FOXO1: variants seen among roughly 807,000 people sequenced by gnomAD.
FOXO1 encodes forkhead box protein O1.
A neutral mutation model predicts 44.1 loss-of-function variants in FOXO1; 6 were observed. That is an observed-to-expected ratio of 0.14 (90% CI 0.07 to 0.27). FOXO1 has a LOEUF of 0.27. Among genes scored for constraint, FOXO1 ranks in the 10% least tolerant of loss-of-function variants. The pLI, the probability that FOXO1 is intolerant of heterozygous loss-of-function variation, is 1.00. For missense variants in FOXO1, 737 were observed against 888.8 expected (o/e 0.83, Z 2.17); for synonymous variants, 380 against 362.7 (o/e 1.05, Z -0.54).
At chr13:40,613,820 T>C (rs1408872897) in intron 1 of FOXO1, among the ~76,000 whole-genome samples, 1 of 152,198 alleles carries the variant, frequency 6.6e-6, no homozygotes, top group African/African-American at 2.4e-5. Flanking sequence ...TGACCAGAAC[T>C]ACCAGGCAGC....
intron 1 of FOXO1, among the ~76,000 whole-genome samples, chr13:40,659,371 C>G (rs1214288794): frequency 6.0e-5 from 9 of 150,486 alleles, no homozygotes; most frequent in East Asian, 1.9e-4. Flanking sequence ...CACACACGCC[C>G]AACTCTCATA....
At chr13:40,636,222 A>C (rs1041764231) in intron 1 of FOXO1, among the ~76,000 whole-genome samples, 135 of 152,152 alleles carry the variant, frequency 8.9e-4, no homozygotes, top group Middle Eastern at 3.4e-3. Context: ...CAAAAAAAAA[A>C]CAAAAAACAA....
chr13:40,652,594 T>C (rs953533603), intron 1 of FOXO1, among the ~76,000 whole-genome samples: 11 of 152,232 alleles, frequency 7.2e-5, no homozygotes, highest in African/African-American at 2.7e-4. Context: ...TCATCTCTGA[T>C]ACAAAATTAT....
intron 1 of FOXO1, among the ~76,000 whole-genome samples, chr13:40,648,816 A>G (rs1877587374): frequency 6.6e-6 from 1 of 152,220 alleles, no homozygotes; most frequent in South Asian, 2.1e-4. Context: ...CTTTAGCCTG[A>G]TGAAAGATAG....
At chr13:40,663,618 T>G (rs1039876132) in intron 1 of FOXO1, among the ~76,000 whole-genome samples, 20 of 152,200 alleles carry the variant, frequency 1.3e-4, no homozygotes, top group Non-Finnish European at 1.6e-4. Context: ...AAATGTTAAG[T>G]AAAACAAGAT....
intron 1 of FOXO1, among the ~76,000 whole-genome samples, chr13:40,601,061 GATT>G (rs1048082014): frequency 1.4e-4 from 22 of 152,228 alleles, no homozygotes; most frequent in African/African-American, 5.1e-4. Flanking sequence ...CACAGCCACA[GATT>G]ATTATACCTC....
At chr13:40,585,939 G>A (rs1875147886) in intron 1 of FOXO1, among the ~76,000 whole-genome samples, 1 of 152,136 alleles carries the variant, frequency 6.6e-6, no homozygotes, top group African/African-American at 2.4e-5. Context: ...TTAAAAACTG[G>A]CTCAGCCCAA....
chr13:40,602,259 G>C (rs1202183369), intron 1 of FOXO1, among the ~76,000 whole-genome samples: 3 of 152,086 alleles, frequency 2.0e-5, no homozygotes. Context: ...ATGTGACAGT[G>C]AATCTAAACA....
At chr13:40,619,096 C>CA (rs1182528430) in intron 1 of FOXO1, 1 of 403,794 alleles carries the variant, frequency 2.5e-6, no homozygotes, top group East Asian at 6.4e-5. Context: ...CCAGCCTGGC[C>CA]AACATGGTGA....
At chr13:40,662,648 C>T (rs1465504999) in intron 1 of FOXO1, among the ~76,000 whole-genome samples, 1 of 152,176 alleles carries the variant, frequency 6.6e-6, no homozygotes, top group Admixed American at 6.5e-5. Context: ...AATTCATTAA[C>T]AGTTTTCCAA....
chr13:40,571,737 T>G (rs1874517402), intron 1 of FOXO1, among the ~76,000 whole-genome samples: 1 of 152,256 alleles, frequency 6.6e-6, no homozygotes, highest in African/African-American at 2.4e-5. Context: ...GTAATTCTGC[T>G]GTTCCTAATG....
Position 40,556,570 on chromosome 13 carries a change from G to GA in FOXO1, c.*2478dup, listed in dbSNP as rs1237474732. The stretch of plus-strand genomic sequence containing the variant: ...CTCCAGAAAGTCAGTATTCTTACAG[G>GA]AAAAAAACTACCAGAGGCCACATAA... On this transcript the variant is annotated 3_prime_UTR_variant, in exon 3 of 3. Coordinates refer to ENST00000379561, the MANE Select transcript of FOXO1 (RefSeq NM_002015.4). 2 of 152,434 alleles carry GA rather than the reference G, an allele frequency of 1.3e-5. No individual in the cohort carries two copies. Among genetic ancestry groups the GA allele is most frequent in the African/African-American group, 2.4e-5 (1 of 41,386 alleles). 9.4% of individuals were successfully genotyped at this position (152,434 alleles called of 1,614,324 possible). A position where few individuals can be genotyped will look rare whatever the true frequency, so the allele number is the denominator to read the frequency against.
chr13:40,620,816 T>TTTTTTGG (rs1876585042), intron 1 of FOXO1, among the ~76,000 whole-genome samples: 2 of 149,830 alleles, frequency 1.3e-5, no homozygotes, highest in East Asian at 2.0e-4. Context: ...TTTTTTTTTT[T>TTTTTTGG]GAGATGGAGT....
intron 1 of FOXO1, among the ~76,000 whole-genome samples, chr13:40,589,955 T>G (rs973062029): frequency 8.5e-5 from 13 of 152,294 alleles, no homozygotes; most frequent in Non-Finnish European, 1.3e-4. Context: ...ACTAGTAACT[T>G]GAAGAGTTAC....
At chr13:40,573,343 G>A (rs558037454) in intron 1 of FOXO1, among the ~76,000 whole-genome samples, 1 of 152,334 alleles carries the variant, frequency 6.6e-6, no homozygotes, top group South Asian at 2.1e-4. Context: ...AGCCCAGGAA[G>A]AATGTGCTTC....
chr13:40,558,930 T>TG lies in FOXO1; in HGVS notation c.*118_*119insC, dbSNP rs943801669. ...AAAAAGGAGGGTTTTTTTTTTTGTT[T>TG]TTTTTTTTAACCAAGAAAACTAAAA... On this transcript the variant is annotated 3_prime_UTR_variant, in exon 3 of 3. Transcript: ENST00000379561. 22 of 398,416 alleles carry TG rather than the reference T, an allele frequency of 5.5e-5. No individual in the cohort carries two copies. Among genetic ancestry groups the TG allele is most frequent in the African/African-American group, 3.7e-4 (18 of 48,546 alleles). 24.7% of individuals were successfully genotyped at this position (398,416 alleles called of 1,614,324 possible).
At chr13:40,599,599 G>C (rs1875744812) in intron 1 of FOXO1, among the ~76,000 whole-genome samples, 1 of 152,162 alleles carries the variant, frequency 6.6e-6, no homozygotes, top group African/African-American at 2.4e-5. Flanking sequence ...ATGTGTCTTT[G>C]TGAGCCTGGC....
intron 1 of FOXO1, among the ~76,000 whole-genome samples, chr13:40,644,092 G>C (rs1332460928): frequency 1.3e-5 from 2 of 152,284 alleles, no homozygotes; most frequent in Admixed American, 6.5e-5. Flanking sequence ...TGACCCCAAC[G>C]TGAGTTTTGG....
Position 40,598,832 on chromosome 13 carries a change from T to C in FOXO1, c.631-37972A>G, listed in dbSNP as rs191023527. 2.6e-5 allele frequency among the ~76,000 whole-genome samples: 4 copies of C among 152,338 alleles called. No homozygotes were observed. In the East Asian group the frequency reaches 5.8e-4, roughly 22 times the overall value. On this transcript the variant is annotated intron_variant, in intron 1 of 2. Transcript: ENST00000379561. ...ACAAGATCCCCAGGTGATTAATATA[T>C]ACACTGAAGTTTGCCATCTCGCAAA...
Sources: allele counts gnomAD v4.1 joint callset (sites outside exome capture counted in the v4.1 genomes callset), GRCh38; gene constraint gnomAD v4.1.1; transcripts MANE v1.5; gene names NCBI Gene and HGNC (gene_info 2026-07-23, HGNC 2026-07-21).